OR4F5: variants seen among roughly 807,000 people sequenced by gnomAD.
The protein encoded by OR4F5 is olfactory receptor family 4 subfamily F member 5.
Under a neutral mutation model 5.8 loss-of-function variants are expected in OR4F5, and 1 was observed. That is an observed-to-expected ratio of 0.17 (90% CI 0.06 to 0.82). The LOEUF is 0.82. Among genes scored for constraint, OR4F5 ranks in the 40% least tolerant of loss-of-function variants. The probability of loss-of-function intolerance (pLI) is 0.72; values close to 1 mark genes in which losing one functional copy is unlikely to be tolerated. For synonymous variants in OR4F5, 18 were observed against 63.7 expected, an observed-to-expected ratio of 0.28 and a Z score of 3.42; for missense variants, 47 against 175.5, an observed-to-expected ratio of 0.27 and a Z score of 4.14.
At chr1:68,252 G>C (rs1205727580) in intron 2 of OR4F5, among the ~76,000 whole-genome samples, 5 of 104,838 alleles carry the variant, frequency 4.8e-5, no homozygotes, top group African/African-American at 1.4e-4. Context: ...TGCTCGATGG[G>C]ATCTTACAGG....
rs757310325 is a variant in OR4F5, at chr1:69,478, T to C, written c.451T>C (p.Cys151Arg). ...GCCCCTACACTACACTACAATTATG[T>C]GTGGCAACGCATGTGTCGGCATTAT... ...CKPLHYTTIM[C>R]GNACVGIMAV... The change falls in exon 3 of 3, where the codon TGT becomes CGT. Residue 151 changes from cysteine (C) to arginine (R), a missense_variant. Cys to Arg is a radical substitution (Grantham distance 180). Coordinates refer to ENST00000641515, the MANE Select transcript of OR4F5 (RefSeq NM_001005484.2). 1 of 1,026,446 alleles carries C rather than the reference T, an allele frequency of 9.7e-7. No homozygotes were observed. The highest frequency in any genetic ancestry group is 2.4e-5 in the East Asian group (1 of 41,700). 63.6% of individuals were successfully genotyped at this position (1,026,446 alleles called of 1,614,324 possible).
chr1:66,176 T>TA (rs1639933485), intron 2 of OR4F5, among the ~76,000 whole-genome samples: 4 of 92,494 alleles, frequency 4.3e-5, no homozygotes, highest in African/African-American at 1.0e-4. Context: ...ATATATATAT[T>TA]ATATATACTA....
chr1:66,345 A>T (rs1336479077), intron 2 of OR4F5, among the ~76,000 whole-genome samples: 6 of 43,494 alleles, frequency 1.4e-4, no homozygotes, highest in Non-Finnish European at 3.5e-4. Flanking sequence ...TTTATTATAT[A>T]ATATAATATA....
Position 69,484 on chromosome 1 carries a change from A to G in OR4F5, c.457A>G (p.Asn153Asp). Reference sequence around the variant, plus strand: ...ACACTACACTACAATTATGTGTGGCAACGCATGTGTCGGCATTATGGCTGT... The same window carrying G: ...ACACTACACTACAATTATGTGTGGCGACGCATGTGTCGGCATTATGGCTGT... Reference protein sequence around the residue: ...PLHYTTIMCGNACVGIMAVTW... With the variant: ...PLHYTTIMCGDACVGIMAVTW... Residue 153 changes from asparagine to aspartate, a missense_variant, in exon 3 of 3, where the codon AAC becomes GAC. Asn to Asp is a conservative substitution (Grantham distance 23). Coordinates refer to ENST00000641515, the MANE Select transcript of OR4F5 (RefSeq NM_001005484.2). 1 of 1,018,244 alleles carries G rather than the reference A, an allele frequency of 9.8e-7. No homozygotes were observed. Among genetic ancestry groups the G allele is most frequent in the East Asian group, 2.4e-5 (1 of 41,688 alleles). The allele number at this position is 1,018,244 out of a possible 1,614,324, so 63.1% of individuals were successfully genotyped here. A position where few individuals can be genotyped will look rare whatever the true frequency, so the allele number is the denominator to read the frequency against.
chr1:70,742 T>TA lies in OR4F5; in HGVS notation c.*740dup, dbSNP rs1409857721. On this transcript the variant is annotated 3_prime_UTR_variant, in exon 3 of 3. Coordinates refer to ENST00000641515, the MANE Select transcript of OR4F5 (RefSeq NM_001005484.2). ...ATGTTTAAAAGCACAGGCTTTAAAG[T>TA]AAAAAACAAAGAGCTGGATTCAACT... 1 of 117,022 alleles carries TA rather than the reference T, an allele frequency of 8.5e-6. No homozygotes were observed. The highest frequency in any genetic ancestry group is 2.8e-5 in the African/African-American group (1 of 36,358). The allele number at this position is 117,022 out of a possible 1,614,324, so 7.2% of individuals were successfully genotyped here.
At position 66,872 on chromosome 1, in the gene OR4F5, C is replaced by T. The variant is rs1360733476; in HGVS notation, c.9+1299C>T. Among the ~76,000 whole-genome samples the T allele has an allele frequency of 6.1e-4, 65 of 106,526 alleles. 1 individual carries two copies. Among genetic ancestry groups the T allele is most frequent in the African/African-American group, 1.6e-3 (58 of 36,100 alleles). 69.9% of individuals were successfully genotyped at this position (106,526 alleles called of 152,430 possible). On this transcript the variant is annotated intron_variant, in intron 2 of 2. Coordinates refer to ENST00000641515, the MANE Select transcript of OR4F5 (RefSeq NM_001005484.2). ...GTGGTGAAGGATCCCCTCAGCAGCA[C>T]AAATTCAGGAGAGAGATGTCTTAAC...
intron 2 of OR4F5, among the ~76,000 whole-genome samples, chr1:66,223 ATATTATATAATATATAT>A (rs1639934886): frequency 4.1e-5 from 2 of 48,250 alleles, no homozygotes; most frequent in African/African-American, 1.0e-4. Flanking sequence ...TATATAATAT[ATATTATATAATATATAT>A]TATATTATAT....
At chr1:66,576 A>AT (rs1557435908) in intron 2 of OR4F5, among the ~76,000 whole-genome samples, 3 of 53,164 alleles carry the variant, frequency 5.6e-5, no homozygotes, top group African/African-American at 9.4e-5. Flanking sequence ...AAATATGTAT[A>AT]ATATATATTA....
intron 2 of OR4F5, among the ~76,000 whole-genome samples, chr1:66,160 TTATATA>T (rs201684885): frequency 0.014 from 1,321 of 96,788 alleles, 22 homozygotes; most frequent in East Asian, 0.04. Flanking sequence ...CATAAGGCAT[TTATATA>T]TATATATATT....
chr1:66,263 A>ATATTATAT (rs1230830548), intron 2 of OR4F5, among the ~76,000 whole-genome samples: 3 of 16,018 alleles, frequency 1.9e-4, no homozygotes, highest in African/African-American at 6.5e-4. Context: ...TATATAATAT[A>ATATTATAT]AATATAATAT....
chr1:68,294 C>T (rs1239938362), intron 2 of OR4F5, among the ~76,000 whole-genome samples: 1 of 112,142 alleles, frequency 8.9e-6, no homozygotes, highest in Non-Finnish European at 2.2e-5. Flanking sequence ...CTCACACAAC[C>T]ACAACCTGCA....
chr1:67,432 T>TA (rs1303220369), intron 2 of OR4F5, among the ~76,000 whole-genome samples: 2 of 94,676 alleles, frequency 2.1e-5, no homozygotes, highest in East Asian at 2.2e-4. Flanking sequence ...TACTGTTCTT[T>TA]AAAAAACAGC....
rs1639975413 is a variant in OR4F5 at position 69,580 on chromosome 1, C to T, written c.553C>T (p.Pro185Ser). Residue 185 changes from proline (P) to serine (S), a missense_variant, in exon 3 of 3, where the codon CCC becomes TCC. Physicochemically the swap from Pro to Ser is moderately conservative, Grantham distance 74. Transcript: ENST00000641515. ...AFAVHLLFCG[P>S]NEVDSFYCDL... The stretch of plus-strand genomic sequence containing the variant: ...TGCCGTGCACTTACTCTTCTGTGGT[C>T]CCAATGAGGTCGATAGTTTTTATTG... 2 of 1,045,858 alleles carry T rather than the reference C, an allele frequency of 1.9e-6. 1 individual carries two copies. The highest frequency in any genetic ancestry group is 2.7e-6 in the Non-Finnish European group (2 of 745,284). The allele number at this position is 1,045,858 out of a possible 1,614,324, so 64.8% of individuals were successfully genotyped here.
At chr1:66,166 A>G (rs1639933238) in intron 2 of OR4F5, among the ~76,000 whole-genome samples, 1 of 92,690 alleles carries the variant, frequency 1.1e-5, no homozygotes, top group African/African-American at 3.4e-5. Flanking sequence ...GCATTTATAT[A>G]TATATATATT....
At chr1:65,937 T>C (rs1470686669) in intron 2 of OR4F5, among the ~76,000 whole-genome samples, 1 of 112,400 alleles carries the variant, frequency 8.9e-6, no homozygotes, top group Non-Finnish European at 2.1e-5. Flanking sequence ...ATAATACCAG[T>C]GAAACTTGGT....
intron 2 of OR4F5, among the ~76,000 whole-genome samples, chr1:66,427 AAATATATATTATATT>A: frequency 1.9e-5 from 1 of 52,566 alleles, no homozygotes; most frequent in Non-Finnish European, 4.0e-5. Flanking sequence ...TTTATTATAT[AAATATATATTATATT>A]ATATAATATA....
intron 2 of OR4F5, among the ~76,000 whole-genome samples, chr1:66,435 ATT>A (rs560481224): frequency 0.052 from 3,291 of 62,732 alleles, 154 homozygotes; most frequent in African/African-American, 0.17. Context: ...ATAAATATAT[ATT>A]ATATTATATA....
At chr1:66,055 C>G (rs1191105469) in intron 2 of OR4F5, among the ~76,000 whole-genome samples, 4 of 117,848 alleles carry the variant, frequency 3.4e-5, no homozygotes, top group South Asian at 4.9e-4. Flanking sequence ...AAGCTAAGGC[C>G]CAGAGATTTT....
intron 2 of OR4F5, among the ~76,000 whole-genome samples, chr1:66,245 T>TAA (rs1366221316): frequency 3.1e-5 from 1 of 31,848 alleles, no homozygotes; most frequent in African/African-American, 1.4e-4. Flanking sequence ...ATATATTATA[T>TAA]TATATAATAT....
Sources: allele counts gnomAD v4.1 joint callset (sites outside exome capture counted in the v4.1 genomes callset), GRCh38; gene constraint gnomAD v4.1.1; transcripts MANE v1.5; gene names NCBI Gene and HGNC (gene_info 2026-07-23, HGNC 2026-07-21).